The following STRBP variants were observed in gnomAD, a reference collection of about 807,000 sequenced individuals.
The protein encoded by STRBP is spermatid perinuclear RNA binding protein.
STRBP carries 13 observed loss-of-function variants against 80.1 expected under a neutral mutation model. The ratio of observed to expected loss-of-function variants is 0.16; its 90% CI spans 0.11 to 0.26. The LOEUF (loss-of-function observed/expected upper bound fraction) is 0.26. Ranked by LOEUF, STRBP falls within the 10% of genes least tolerant of loss-of-function variation. The probability of loss-of-function intolerance (pLI) is 1.00; values close to 1 mark genes in which losing one functional copy is unlikely to be tolerated. For missense variants in STRBP, 485 were observed against 815.2 expected (o/e 0.59, Z 4.93); for synonymous variants, 284 against 291.2 (o/e 0.98, Z 0.25).
At chr9:123,145,241 CCCCTCCGTGTTTA>C (rs1454011570) in intron 13 of STRBP, among the ~76,000 whole-genome samples, 1 of 152,178 alleles carries the variant, frequency 6.6e-6, no homozygotes, top group African/African-American at 2.4e-5. Context: ...AAGCTTACAG[CCCCTCCGTGTTTA>C]CCAAAAGCTC....
At chr9:123,183,302 G>A (rs563184897) in intron 3 of STRBP, among the ~76,000 whole-genome samples, 18 of 152,130 alleles carry the variant, frequency 1.2e-4, no homozygotes, top group African/African-American at 3.9e-4. Context: ...TGGGTATGGT[G>A]GCGGGCACCT....
intron 2 of STRBP, among the ~76,000 whole-genome samples, chr9:123,217,996 T>C (rs574829382): frequency 1.3e-5 from 2 of 152,366 alleles, no homozygotes; most frequent in East Asian, 3.9e-4. Flanking sequence ...GGAAGCTTAG[T>C]TAGCATCCTC....
At chr9:123,211,411 T>A (rs1474565038) in intron 2 of STRBP, among the ~76,000 whole-genome samples, 1 of 152,170 alleles carries the variant, frequency 6.6e-6, no homozygotes, top group Non-Finnish European at 1.5e-5. Context: ...CAGGTTTGAA[T>A]TCTGTCGAGG....
In STRBP at chr9:123,161,177, A is replaced by C. The variant is rs150966319; in HGVS notation, c.536-109T>G. The C allele has an allele frequency of 1.3e-4, 109 of 822,710 alleles. No homozygotes were observed. The East Asian group carries it at 2.9e-3, about 22-fold the overall frequency. The allele number at this position is 822,710 out of a possible 1,614,324, so 51.0% of individuals were successfully genotyped here. A position where few individuals can be genotyped will look rare whatever the true frequency, so the allele number is the denominator to read the frequency against. Reference sequence around the variant, plus strand: ...AGAATAACAGCATTTGAGTGAACTAATAAGACTCCCAGAAAATTTCCTCAT... The same window carrying C: ...AGAATAACAGCATTTGAGTGAACTACTAAGACTCCCAGAAAATTTCCTCAT... On this transcript the variant is annotated intron_variant, in intron 6 of 18. Coordinates refer to ENST00000348403, the MANE Select transcript of STRBP (RefSeq NM_018387.5).
At chr9:123,118,120 G>T (rs1181680534), downstream of STRBP, among the ~76,000 whole-genome samples, 1 of 152,132 alleles carries the variant, frequency 6.6e-6, no homozygotes, top group Admixed American at 6.5e-5. Flanking sequence ...ACAGAACTAG[G>T]TTCCATTAAT....
chr9:123,188,433 A>T (rs1422025755), intron 2 of STRBP, among the ~76,000 whole-genome samples: 11 of 152,152 alleles, frequency 7.2e-5, no homozygotes, highest in Admixed American at 7.2e-4. Context: ...CAAGGTCAGA[A>T]GATCGAGACC....
At chr9:123,120,493 G>GGGGGGGGCAGGGGCGGGGGGGT (rs2035715133), downstream of STRBP, among the ~76,000 whole-genome samples, 1 of 8,394 alleles carries the variant, frequency 1.2e-4, no homozygotes, top group African/African-American at 1.7e-4. Flanking sequence ...GGGGGGGTGG[G>GGGGGGGGCAGGGGCGGGGGGGT]GGGGGGGGGG....
chr9:123,254,199 T>C (rs1051094121), intron 1 of STRBP, among the ~76,000 whole-genome samples: 31 of 152,054 alleles, frequency 2.0e-4, no homozygotes, highest in Non-Finnish European at 1.0e-4. Context: ...CAGCCTGACA[T>C]GGTGAAAGCA....
intron 1 of STRBP, among the ~76,000 whole-genome samples, chr9:123,264,819 A>C (rs2041234410): frequency 1.3e-5 from 2 of 152,240 alleles, no homozygotes; most frequent in South Asian, 2.1e-4. Context: ...TAATCCGAAC[A>C]CTATACCAGA....
At chr9:123,209,550 T>C (rs2039636670) in intron 2 of STRBP, among the ~76,000 whole-genome samples, 1 of 152,180 alleles carries the variant, frequency 6.6e-6, no homozygotes, top group Non-Finnish European at 1.5e-5. Context: ...CCACAAGAAG[T>C]TCACCATGTA....
chr9:123,232,814 T>C (rs1264759767), intron 2 of STRBP, among the ~76,000 whole-genome samples: 3 of 152,182 alleles, frequency 2.0e-5, no homozygotes, highest in Non-Finnish European at 2.9e-5. Flanking sequence ...CCCCACTGAA[T>C]TCCTGCCCTC....
chr9:123,124,276 T>C lies in STRBP; in HGVS notation c.*1321A>G. On this transcript the variant is annotated 3_prime_UTR_variant, in exon 19 of 19. Transcript: ENST00000348403. ...TTTAAGACATGGTGCCTTATAAATA[T>C]TGACAGGGGACCACACTGCTGCTCC... 1 of 985,432 alleles carries C rather than the reference T, an allele frequency of 1.0e-6. No individual in the cohort carries two copies. The highest frequency in any genetic ancestry group is 1.2e-6 in the Non-Finnish European group (1 of 829,936). The allele number at this position is 985,432 out of a possible 1,614,324, so 61.0% of individuals were successfully genotyped here.
At position 123,122,994 on chromosome 9, in the gene STRBP, G is replaced by A. The variant is rs746346277; in HGVS notation, c.*2603C>T. 3.0e-6 allele frequency: 3 copies of A among 985,440 alleles called. No individual in the cohort carries two copies. The highest frequency in any genetic ancestry group is 1.7e-5 in the African/African-American group (1 of 57,372). The allele number at this position is 985,440 out of a possible 1,614,324, so 61.0% of individuals were successfully genotyped here. A position where few individuals can be genotyped will look rare whatever the true frequency, so the allele number is the denominator to read the frequency against. Reference sequence around the variant, plus strand: ...GTATTGCTCTTCTTTAAAATGATCAGTCATTGCTTTCAAAAAGAGGGTGTC... The same window carrying A: ...GTATTGCTCTTCTTTAAAATGATCAATCATTGCTTTCAAAAAGAGGGTGTC... On this transcript the variant is annotated 3_prime_UTR_variant, in exon 19 of 19. Coordinates refer to ENST00000348403, the MANE Select transcript of STRBP (RefSeq NM_018387.5).
intron 1 of STRBP, among the ~76,000 whole-genome samples, chr9:123,263,783 A>G (rs987262634): frequency 2.6e-5 from 4 of 152,242 alleles, no homozygotes; most frequent in Non-Finnish European, 5.9e-5. Flanking sequence ...TGACGTCACT[A>G]GCAGAAGGGA....
At chr9:123,128,463 A>T (rs1205006375) in intron 17 of STRBP, among the ~76,000 whole-genome samples, 1 of 152,166 alleles carries the variant, frequency 6.6e-6, no homozygotes, top group Non-Finnish European at 1.5e-5. Flanking sequence ...ACCATGGCCT[A>T]CAAGGCTCTC....
At chr9:123,224,439 T>C (rs1242573938) in intron 2 of STRBP, among the ~76,000 whole-genome samples, 2 of 152,210 alleles carry the variant, frequency 1.3e-5, no homozygotes, top group Non-Finnish European at 2.9e-5. Context: ...ATTGTTCCCA[T>C]CACTTCTAAT....
intron 1 of STRBP, among the ~76,000 whole-genome samples, chr9:123,239,652 A>G (rs1263276981): frequency 2.0e-5 from 3 of 152,246 alleles, no homozygotes; most frequent in African/African-American, 7.2e-5. Context: ...TGCTATTCTT[A>G]TAACAGGAGC....
chr9:123,169,384 T>G (rs1434403022), intron 6 of STRBP, among the ~76,000 whole-genome samples: 1 of 152,044 alleles, frequency 6.6e-6, no homozygotes, highest in East Asian at 1.9e-4. Flanking sequence ...TTGGCCAGGT[T>G]GGTCTTGAAC....
At position 123,198,050 on chromosome 9, in the gene STRBP, G is replaced by C. The variant is rs1332254761; in HGVS notation, c.-164-13752C>G. 2.6e-5 allele frequency among the ~76,000 whole-genome samples: 4 copies of C among 152,034 alleles called. 1 individual carries two copies. Among genetic ancestry groups the C allele is most frequent in the Non-Finnish European group, 4.4e-5 (3 of 68,012 alleles). ...TGGTTTTAATCTGCATTTCCCTGGT[G>C]ATTAGTGATGTTGAGCATTTTTTTC... On this transcript the variant is annotated intron_variant, in intron 2 of 18. Transcript: ENST00000348403.
Sources: allele counts gnomAD v4.1 joint callset (sites outside exome capture counted in the v4.1 genomes callset), GRCh38; gene constraint gnomAD v4.1.1; transcripts MANE v1.5; gene names NCBI Gene and HGNC (gene_info 2026-07-23, HGNC 2026-07-21).